The following NEK7 variants were observed in gnomAD, a reference collection of about 807,000 sequenced individuals.
NEK7 encodes serine/threonine-protein kinase Nek7.
In NEK7, 18 loss-of-function variants were observed where a neutral mutation model predicts 44.6. The observed-to-expected ratio is 0.40, with a 90% CI of 0.28 to 0.60. NEK7 has a LOEUF of 0.60. Among genes scored for constraint, NEK7 ranks in the 20% least tolerant of loss-of-function variants. NEK7 has a pLI of 0.38. For synonymous variants in NEK7, 130 were observed against 121.1 expected, an observed-to-expected ratio of 1.07 and a Z score of -0.48; for missense variants, 256 against 366.5, an observed-to-expected ratio of 0.70 and a Z score of 2.46.
At chr1:198,215,345 A>G (rs2102828743) in intron 1 of NEK7, among the ~76,000 whole-genome samples, 1 of 152,322 alleles carries the variant, frequency 6.6e-6, no homozygotes, top group South Asian at 2.1e-4. Flanking sequence ...TTGAATGTAA[A>G]TGGTTTAAAT....
chr1:198,171,170 C>T (rs1039752404), intron 1 of NEK7, among the ~76,000 whole-genome samples: 2 of 152,088 alleles, frequency 1.3e-5, no homozygotes, highest in African/African-American at 4.8e-5. Flanking sequence ...TAAAAATTAC[C>T]AAGAAAAGGG....
chr1:198,254,550 T>C (rs1397709534), intron 3 of NEK7, among the ~76,000 whole-genome samples: 7 of 152,200 alleles, frequency 4.6e-5, no homozygotes, highest in Non-Finnish European at 1.0e-4. Context: ...TTTTTGCTAC[T>C]GTATAATATT....
chr1:198,258,168 G>A (rs972097377), intron 3 of NEK7, among the ~76,000 whole-genome samples: 5 of 152,126 alleles, frequency 3.3e-5, no homozygotes, highest in Admixed American at 6.6e-5. Context: ...AGCCGGGCAC[G>A]GTGACTCAAC....
intron 1 of NEK7, among the ~76,000 whole-genome samples, chr1:198,231,299 GTGTATATATATATATATA>G (rs1370244865): frequency 2.0e-5 from 2 of 98,270 alleles, no homozygotes; most frequent in African/African-American, 4.3e-5. Context: ...GTATGTGTGT[GTGTATATATATATATATA>G]TATATATATA....
At chr1:198,224,851 G>A (rs1666168842) in intron 1 of NEK7, among the ~76,000 whole-genome samples, 6 of 152,104 alleles carry the variant, frequency 3.9e-5, no homozygotes, top group Admixed American at 3.9e-4. Flanking sequence ...GGTCAATTAA[G>A]TAGATGGTGA....
chr1:198,286,964 A>G (rs1162936835), intron 7 of NEK7, among the ~76,000 whole-genome samples: 1 of 152,074 alleles, frequency 6.6e-6, no homozygotes. Context: ...ATCTAGGGTA[A>G]TCTTCCTATT....
At chr1:198,233,587 A>G (rs1357551691) in intron 2 of NEK7, among the ~76,000 whole-genome samples, 1 of 152,156 alleles carries the variant, frequency 6.6e-6, no homozygotes, top group Non-Finnish European at 1.5e-5. Context: ...TTCTTTCACA[A>G]GAGTTCTATA....
chr1:198,179,310 G>A (rs1053730904), intron 1 of NEK7, among the ~76,000 whole-genome samples: 3 of 152,054 alleles, frequency 2.0e-5, no homozygotes, highest in African/African-American at 7.2e-5. Flanking sequence ...TGTTGTGTGT[G>A]TAAAACATTT....
At chr1:198,222,345 G>A (rs1666095827) in intron 1 of NEK7, among the ~76,000 whole-genome samples, 1 of 152,060 alleles carries the variant, frequency 6.6e-6, no homozygotes, top group Admixed American at 6.5e-5. Context: ...AGATTTTCAA[G>A]ACAATATATT....
At chr1:198,268,875 G>C (rs1412873122) in intron 5 of NEK7, among the ~76,000 whole-genome samples, 1 of 151,976 alleles carries the variant, frequency 6.6e-6, no homozygotes, top group African/African-American at 2.4e-5. Flanking sequence ...TCATTTCCTT[G>C]AATGTGATTT....
At position 198,278,020 on chromosome 1, in the gene NEK7, G is replaced by A; in HGVS notation, c.432G>A (p.Gln144=). 6.2e-7 allele frequency: 1 copy of A among 1,606,186 alleles called. No homozygotes were observed. The highest frequency in any genetic ancestry group is 8.5e-7 in the Non-Finnish European group (1 of 1,173,752). Residue 144 remains glutamine, a synonymous_variant, in exon 6 of 10, where the codon CAG becomes CAA. Coordinates refer to ENST00000367385, the MANE Select transcript of NEK7 (RefSeq NM_133494.3). ...PERTVWKYFV[Q]LCSALEHMHS... is the part of the protein sequence containing the mutation. ...GAACTGTTTGGAAGTATTTTGTTCAGCTTTGCAGTGCATTGGAACACATGC... is the reference window on the plus strand; with the variant it reads ...GAACTGTTTGGAAGTATTTTGTTCAACTTTGCAGTGCATTGGAACACATGC...
intron 1 of NEK7, among the ~76,000 whole-genome samples, chr1:198,230,687 A>T (rs1212404194): frequency 2.6e-5 from 4 of 152,068 alleles, no homozygotes; most frequent in Non-Finnish European, 5.9e-5. Flanking sequence ...AAGGCAAAAA[A>T]ACTACAGAAA....
chr1:198,185,135 G>A (rs1457211393), intron 1 of NEK7, among the ~76,000 whole-genome samples: 1 of 149,192 alleles, frequency 6.7e-6, no homozygotes, highest in Non-Finnish European at 1.5e-5. Context: ...CATTATTATA[G>A]ATATCTGCTT....
chr1:198,221,892 T>A (rs1167978123), intron 1 of NEK7, among the ~76,000 whole-genome samples: 2 of 151,856 alleles, frequency 1.3e-5, no homozygotes, highest in African/African-American at 4.8e-5. Context: ...AACTGTGTTA[T>A]AATGTTATTT....
intron 1 of NEK7, among the ~76,000 whole-genome samples, chr1:198,185,372 A>G (rs1664890930): frequency 6.6e-6 from 1 of 151,706 alleles, no homozygotes; most frequent in South Asian, 2.1e-4. Context: ...TGTTGTCCAA[A>G]TTTGTGAAAT....
intron 8 of NEK7, among the ~76,000 whole-genome samples, chr1:198,294,459 ATAT>A (rs1177568295): frequency 1.3e-5 from 2 of 152,064 alleles, no homozygotes; most frequent in African/African-American, 2.4e-5. Context: ...CCATAGTCTA[ATAT>A]TATCAAAGCA....
intron 2 of NEK7, among the ~76,000 whole-genome samples, chr1:198,248,687 A>G (rs533599999): frequency 2.7e-4 from 41 of 152,308 alleles, no homozygotes; most frequent in Admixed American, 3.9e-4. Context: ...TGTTTCATGC[A>G]TTAGTTGACA....
intron 1 of NEK7, among the ~76,000 whole-genome samples, chr1:198,185,190 ATT>A (rs919588030): frequency 3.3e-4 from 28 of 83,844 alleles, no homozygotes; most frequent in East Asian, 1.1e-3. Flanking sequence ...CATGCTGTCT[ATT>A]TTTTTTTTTT....
intron 1 of NEK7, among the ~76,000 whole-genome samples, chr1:198,231,111 A>C (rs1299914830): frequency 6.6e-6 from 1 of 151,356 alleles, no homozygotes; most frequent in East Asian, 1.9e-4. Flanking sequence ...TCAAGACTTT[A>C]TAATAAGCTA....
Sources: allele counts gnomAD v4.1 joint callset (sites outside exome capture counted in the v4.1 genomes callset), GRCh38; gene constraint gnomAD v4.1.1; transcripts MANE v1.5; gene names NCBI Gene and HGNC (gene_info 2026-07-23, HGNC 2026-07-21).